Variants in RBFOX2 observed in about 807,000 individuals in gnomAD.
RBFOX2 encodes RNA binding fox-1 homolog 2.
In RBFOX2, 10 loss-of-function variants were observed where a neutral mutation model predicts 49.1. The observed-to-expected ratio is 0.20, with a 90% CI of 0.13 to 0.35. The LOEUF (loss-of-function observed/expected upper bound fraction) is 0.35, where lower values mean the gene tolerates loss of function less well. Among genes scored for constraint, RBFOX2 ranks in the 10% least tolerant of loss-of-function variants. The probability of loss-of-function intolerance (pLI) is 1.00; values close to 1 mark genes in which losing one functional copy is unlikely to be tolerated. For synonymous variants in RBFOX2, 183 were observed against 187.4 expected (o/e 0.98, Z 0.19); for missense variants, 323 against 486.9 (o/e 0.66, Z 3.17).
intron 1 of RBFOX2, among the ~76,000 whole-genome samples, chr22:35,968,709 C>T (rs2056705579): frequency 6.6e-6 from 1 of 152,142 alleles, no homozygotes; most frequent in African/African-American, 2.4e-5. Context: ...AAATGTACAC[C>T]TACTATGGTC....
At chr22:35,834,549 G>T (rs1957325132) in intron 1 of RBFOX2, among the ~76,000 whole-genome samples, 1 of 152,164 alleles carries the variant, frequency 6.6e-6, no homozygotes. Context: ...GCAGAATGAA[G>T]GTAGGAGTGA....
chr22:35,820,306 T>G (rs548306508), intron 1 of RBFOX2, among the ~76,000 whole-genome samples: 59 of 152,326 alleles, frequency 3.9e-4, no homozygotes, highest in African/African-American at 1.3e-3. Context: ...TGAAGAGGGT[T>G]TGGTGCAGGT....
intron 1 of RBFOX2, among the ~76,000 whole-genome samples, chr22:35,871,064 C>T (rs2149189154): frequency 6.6e-6 from 1 of 152,298 alleles, no homozygotes; most frequent in South Asian, 2.1e-4. Context: ...TGCCAGCTGG[C>T]TCCTACTCAG....
chr22:35,895,732 G>A (rs1003161679), intron 1 of RBFOX2, among the ~76,000 whole-genome samples: 1 of 152,124 alleles, frequency 6.6e-6, no homozygotes, highest in African/African-American at 2.4e-5. Context: ...AGATCTACAA[G>A]TACTATCATT....
chr22:35,827,995 T>C (rs1569296851), intron 1 of RBFOX2, among the ~76,000 whole-genome samples: 1 of 152,014 alleles, frequency 6.6e-6, no homozygotes, highest in Non-Finnish European at 1.5e-5. Flanking sequence ...ACCCCATCTC[T>C]ACTAAAAATA....
intron 1 of RBFOX2, among the ~76,000 whole-genome samples, chr22:35,925,141 G>T (rs1012629987): frequency 6.6e-6 from 1 of 151,914 alleles, no homozygotes; most frequent in Non-Finnish European, 1.5e-5. Context: ...GCAGTGAGCC[G>T]AGATCCAGCC....
intron 1 of RBFOX2, among the ~76,000 whole-genome samples, chr22:36,009,054 C>G (rs1346693933): frequency 6.6e-6 from 1 of 152,202 alleles, no homozygotes; most frequent in Non-Finnish European, 1.5e-5. Context: ...TACAGTCACA[C>G]AGTTAATATC....
intron 1 of RBFOX2, among the ~76,000 whole-genome samples, chr22:35,929,883 T>A (rs539933908): frequency 6.6e-6 from 1 of 151,958 alleles, no homozygotes; most frequent in Admixed American, 6.6e-5. Context: ...GCAAAAGAAT[T>A]TGAAAGAATT....
chr22:36,016,987 C>T (rs575681443), intron 1 of RBFOX2, among the ~76,000 whole-genome samples: 2 of 152,202 alleles, frequency 1.3e-5, no homozygotes, highest in African/African-American at 2.4e-5. Flanking sequence ...TAAAGAGGTC[C>T]CTACTAAACT....
At chr22:36,015,738 G>C (rs2059008081) in intron 1 of RBFOX2, among the ~76,000 whole-genome samples, 1 of 152,172 alleles carries the variant, frequency 6.6e-6, no homozygotes, top group African/African-American at 2.4e-5. Flanking sequence ...AGGAGAAGCT[G>C]AATATGGAGA....
intron 5 of RBFOX2, 88 bp from the exon 7 acceptor site, chr22:35,765,571 G>C (rs1940686714): frequency 7.7e-6 from 5 of 645,288 alleles, no homozygotes; most frequent in Non-Finnish European, 1.3e-5. Context: ...AGAGTATTTA[G>C]TTTAAAATGT....
chr22:35,950,109 AT>A (rs146393323), intron 1 of RBFOX2, among the ~76,000 whole-genome samples: 17,779 of 107,880 alleles, frequency 0.16, 1,699 homozygotes, highest in African/African-American at 0.36. Context: ...GTCCAACTTC[AT>A]TTTTTTTTTT....
chr22:36,001,130 TAAAC>T (rs938622065), intron 1 of RBFOX2, among the ~76,000 whole-genome samples: 5 of 151,084 alleles, frequency 3.3e-5, no homozygotes, highest in Non-Finnish European at 5.9e-5. Context: ...AGTTTTAAAA[TAAAC>T]ACTTTATATA....
In RBFOX2 at chr22:36,013,648, C is replaced by CACAGAG. The variant is rs1260073505; in HGVS notation, c.186+14591_186+14592insCTCTGT. Among the ~76,000 whole-genome samples, 344 of 148,044 alleles carry CACAGAG rather than the reference C, an allele frequency of 2.3e-3. 1 individual carries two copies. Among genetic ancestry groups the CACAGAG allele is most frequent in the African/African-American group, 8.2e-3 (332 of 40,320 alleles). On this transcript the variant is annotated intron_variant, in intron 1 of 13. Transcript: ENST00000438146. ...ACAAACACACACACACACACACACA[C>CACAGAG]AGAGAGAGAGAGAGAGAGAGAGACC... is the stretch of plus-strand genomic sequence containing the variant.
intron 4 of RBFOX2, among the ~76,000 whole-genome samples, chr22:35,777,034 G>A (rs2207180): frequency 2.1e-5 from 3 of 146,122 alleles, no homozygotes; most frequent in Admixed American, 6.8e-5. Flanking sequence ...TTTTTTTTGA[G>A]ACAGTCTTGC....
Position 35,745,954 on chromosome 22 carries a change from G to C in RBFOX2, c.1018C>G (p.Pro340Ala), listed in dbSNP as rs1328913402. The C allele has an allele frequency of 8.7e-6, 14 of 1,613,904 alleles. No individual in the cohort carries two copies. The highest frequency in any genetic ancestry group is 3.3e-5 in the Admixed American group (2 of 59,996). ...GCCAACTCCATAGCTAGCGGCAGGG[G>C]CAAGGGCATGGTAGGGGTCGGCTGT... Residue 340 changes from proline (P) to alanine (A), a missense_variant, in exon 11 of 12, where the codon CCC becomes GCC. Coordinates refer to ENST00000405409, the Ensembl canonical transcript of RBFOX2.
chr22:35,785,738 T>C (rs1946244194), intron 2 of RBFOX2, among the ~76,000 whole-genome samples: 1 of 152,194 alleles, frequency 6.6e-6, no homozygotes, highest in Admixed American at 6.5e-5. Context: ...TCATGTGATA[T>C]AAAAATAGCA....
In RBFOX2 at chr22:36,023,921, G is replaced by T. The variant is rs957393454; in HGVS notation, c.186+4319C>A. 2.0e-5 allele frequency among the ~76,000 whole-genome samples: 3 copies of T among 152,088 alleles called. No homozygotes were observed. The East Asian group carries it at 5.8e-4, about 29-fold the overall frequency. ...ACAAAAGCATCACAGACTCTCTGGC[G>T]TTTCCTAAACTCCATTTTGGTAAGT... is the stretch of plus-strand genomic sequence containing the variant. On this transcript the variant is annotated intron_variant, in intron 1 of 13. Coordinates refer to the RBFOX2 transcript ENST00000438146.
intron 1 of RBFOX2, among the ~76,000 whole-genome samples, chr22:35,989,806 G>A (rs915730095): frequency 1.3e-5 from 2 of 152,118 alleles, no homozygotes; most frequent in East Asian, 3.9e-4. Flanking sequence ...ATTAAGTGAA[G>A]GGAAGCAAAA....
Sources: gnomAD v4.1 joint callset for allele counts (sites outside exome capture counted in the v4.1 genomes callset) on GRCh38, gnomAD v4.1.1 for gene constraint, MANE v1.5 for transcripts, NCBI Gene and HGNC (gene_info 2026-07-23, HGNC 2026-07-21) for gene names.